Variants in RC3H2 observed in about 807,000 individuals in gnomAD.
The protein encoded by RC3H2 is roquin-2.
In RC3H2, 31 loss-of-function variants were observed where a neutral mutation model predicts 133.3. The ratio of observed to expected loss-of-function variants is 0.23; its 90% CI spans 0.17 to 0.31. The LOEUF is 0.31. Ranked by LOEUF, RC3H2 falls within the 10% of genes least tolerant of loss-of-function variation. The pLI, the probability that RC3H2 is intolerant of heterozygous loss-of-function variation, is 1.00. For missense variants in RC3H2, 1,175 were observed against 1,437.2 expected (o/e 0.82, Z 2.95); for synonymous variants, 517 against 502.2 (o/e 1.03, Z -0.40).
intron 8 of RC3H2, among the ~76,000 whole-genome samples, chr9:122,878,657 A>C (rs2131454956): frequency 6.6e-6 from 1 of 152,296 alleles, no homozygotes; most frequent in East Asian, 1.9e-4. Context: ...TGAGGATAAG[A>C]AATAATACAT....
Position 122,905,257 on chromosome 9 carries a change from C to A in RC3H2, c.-215G>T. ...CTCCATCGGGAGCTACAGGGACAGCCCCGTTGGCGGCGGCGAAGGCCGCGA... is the reference window on the plus strand; with the variant it reads ...CTCCATCGGGAGCTACAGGGACAGCACCGTTGGCGGCGGCGAAGGCCGCGA... On this transcript the variant is annotated 5_prime_UTR_variant, in exon 1 of 21. Transcript: ENST00000357244. 3 of 985,918 alleles carry A rather than the reference C, an allele frequency of 3.0e-6. No homozygotes were observed. Among genetic ancestry groups the A allele is most frequent in the South Asian group, 4.7e-5 (1 of 21,298 alleles). 61.1% of individuals were successfully genotyped at this position (985,918 alleles called of 1,614,324 possible). A position where few individuals can be genotyped will look rare whatever the true frequency, so the allele number is the denominator to read the frequency against.
chr9:122,876,159 G>A (rs2131446893), intron 9 of RC3H2, among the ~76,000 whole-genome samples: 1 of 152,266 alleles, frequency 6.6e-6, no homozygotes, highest in Admixed American at 6.5e-5. Context: ...AGCAGAAAAA[G>A]CTAAGGAAGG....
chr9:122,901,978 G>A (rs1284244077), intron 1 of RC3H2, among the ~76,000 whole-genome samples: 1 of 140,386 alleles, frequency 7.1e-6, no homozygotes, highest in Non-Finnish European at 1.5e-5. Context: ...TGCCCAGGCT[G>A]TAGTGCAATG....
chr9:122,898,839 ATTTC>A (rs1178531345), intron 1 of RC3H2, among the ~76,000 whole-genome samples: 2 of 152,046 alleles, frequency 1.3e-5, no homozygotes, highest in East Asian at 3.8e-4. Context: ...ACTTCCCAGA[ATTTC>A]TTTATCTTCC....
In RC3H2 at chr9:122,860,134, G is replaced by A; in HGVS notation, c.1635-3C>T. The A allele has an allele frequency of 6.2e-7, 1 of 1,610,268 alleles. No individual in the cohort carries two copies. The highest frequency in any genetic ancestry group is 1.1e-5 in the South Asian group (1 of 90,976). On this transcript the variant is annotated splice_polypyrimidine_tract_variant and splice_region_variant and intron_variant, in intron 10 of 20. Transcript: ENST00000357244. Reference sequence around the variant, plus strand: ...TCTTGGGTGGAGAACCAATTTTACTGGAGAGAAAATTTAACAAAGGGCAAA... The same window carrying A: ...TCTTGGGTGGAGAACCAATTTTACTAGAGAGAAAATTTAACAAAGGGCAAA...
At chr9:122,873,604 T>C (rs907948723) in intron 9 of RC3H2, among the ~76,000 whole-genome samples, 13 of 151,588 alleles carry the variant, frequency 8.6e-5, no homozygotes, top group Admixed American at 1.3e-4. Context: ...TCCCAGCTAC[T>C]CGAGAGGCTG....
At chr9:122,883,131 C>T in intron 5 of RC3H2, 73 bp downstream of exon 5, 2 of 1,420,640 alleles carry the variant, frequency 1.4e-6, no homozygotes, top group Non-Finnish European at 1.9e-6. Context: ...GGCCTCTAGA[C>T]TGGGTAACAT....
chr9:122,868,646 C>T (rs1312211932), intron 9 of RC3H2, among the ~76,000 whole-genome samples: 9 of 151,854 alleles, frequency 5.9e-5, no homozygotes, highest in Admixed American at 2.0e-4. Flanking sequence ...CCAGAGACCT[C>T]TGTTCACTTG....
In RC3H2 at chr9:122,905,270, GCGA is replaced by G; in HGVS notation, c.-231_-229del. On this transcript the variant is annotated 5_prime_UTR_variant, in exon 1 of 21. Transcript: ENST00000357244. ...TACAGGGACAGCCCCGTTGGCGGCGGCGAAGGCCGCGACGGGGCCTCCTCCTCC... is the reference window on the plus strand; with the variant it reads ...TACAGGGACAGCCCCGTTGGCGGCGGAGGCCGCGACGGGGCCTCCTCCTCC... 1 of 985,840 alleles carries G rather than the reference GCGA, an allele frequency of 1.0e-6. No homozygotes were observed. Among genetic ancestry groups the G allele is most frequent in the African/African-American group, 1.7e-5 (1 of 57,370 alleles). The allele number at this position is 985,840 out of a possible 1,614,324, so 61.1% of individuals were successfully genotyped here. A position where few individuals can be genotyped will look rare whatever the true frequency, so the allele number is the denominator to read the frequency against.
intron 2 of RC3H2, among the ~76,000 whole-genome samples, chr9:122,895,669 G>T (rs1017277557): frequency 6.6e-6 from 1 of 152,126 alleles, no homozygotes; most frequent in African/African-American, 2.4e-5. Context: ...TTACAAGGAG[G>T]ACTTCAAATA....
chr9:122,859,235 A>C, intron 11 of RC3H2, 133 bp from the exon 12 acceptor site: 1 of 572,740 alleles, frequency 1.7e-6, no homozygotes, highest in Non-Finnish European at 2.6e-6. Flanking sequence ...CCTGCTTTAT[A>C]AAGCTTTATA....
In RC3H2 at chr9:122,865,435, T is replaced by C; in HGVS notation, c.1548A>G (p.Arg516=). 1 of 1,614,224 alleles carries C rather than the reference T, an allele frequency of 6.2e-7. No homozygotes were observed. Among genetic ancestry groups the C allele is most frequent in the Non-Finnish European group, 8.5e-7 (1 of 1,180,036 alleles). The change falls in exon 10 of 21, where the codon AGA becomes AGG. Residue 516 remains arginine, a synonymous_variant. Transcript: ENST00000357244. The stretch of plus-strand genomic sequence containing the variant: ...CCACTTTCTTCACGGTCTCCAGAGC[T>C]CTTAAGGTACTGTCAGTACTACGTG... The part of the protein sequence containing the change: ...LISRSTDSTL[R]ALETVKKVGK...
intron 8 of RC3H2, among the ~76,000 whole-genome samples, chr9:122,878,801 T>G (rs565660983): frequency 6.6e-6 from 1 of 152,014 alleles, no homozygotes; most frequent in African/African-American, 2.4e-5. Context: ...CAGGCTGGAG[T>G]GCAGTGGCGC....
chr9:122,862,856 T>C (rs962810448), intron 10 of RC3H2, among the ~76,000 whole-genome samples: 11 of 148,214 alleles, frequency 7.4e-5, no homozygotes, highest in African/African-American at 2.0e-4. Context: ...AATCGCACCA[T>C]TGCACTCCAC....
chr9:122,855,891 A>T lies in RC3H2; in HGVS notation c.2455-13T>A, dbSNP rs1212858810. 1 of 1,591,878 alleles carries T rather than the reference A, an allele frequency of 6.3e-7. No individual in the cohort carries two copies. Among genetic ancestry groups the T allele is most frequent in the Non-Finnish European group, 8.5e-7 (1 of 1,171,772 alleles). The stretch of plus-strand genomic sequence containing the variant: ...CACTCTCTGAGAACTGGTTAAAAAA[A>T]AATAAATAAAGCCAATTAGTAAGAA... On this transcript the variant is annotated splice_polypyrimidine_tract_variant and intron_variant, in intron 13 of 20. Transcript: ENST00000357244.
intron 4 of RC3H2, 88 bp downstream of exon 4, chr9:122,890,224 T>C (rs775739449): frequency 1.4e-5 from 13 of 901,118 alleles, no homozygotes; most frequent in African/African-American, 1.3e-4. Flanking sequence ...TAAAGACGGG[T>C]TGAGTCTCAG....
intron 9 of RC3H2, among the ~76,000 whole-genome samples, chr9:122,872,333 C>A (rs1831135614): frequency 6.6e-6 from 1 of 152,120 alleles, no homozygotes; most frequent in African/African-American, 2.4e-5. Context: ...TTGCTATAGT[C>A]CTACCCGAGC....
Position 122,858,014 on chromosome 9 carries a change from T to C in RC3H2, c.2363A>G (p.Gln788Arg). Residue 788 changes from glutamine to arginine, a missense_variant, in exon 13 of 21, where the codon CAG (glutamine) becomes CGG (arginine). Gln to Arg is a conservative substitution (Grantham distance 43). This residue lies in a region of RC3H2 where 490 missense variants were observed against 492.8 expected (regional missense o/e 0.99). Transcript: ENST00000357244. The stretch of plus-strand genomic sequence containing the variant: ...AGTTGAAGAGACAAGAGGTGCTTTC[T>C]GAGTGTGGTACTGTGCCCACTGATC... ...KPDQWAQYHT[Q>R]KAPLVSSTLP... 5.6e-6 allele frequency: 9 copies of C among 1,614,224 alleles called. No homozygotes were observed. Among genetic ancestry groups the C allele is most frequent in the Non-Finnish European group, 7.6e-6 (9 of 1,180,004 alleles).
At chr9:122,901,188 A>C (rs1016545168) in intron 1 of RC3H2, among the ~76,000 whole-genome samples, 6 of 152,222 alleles carry the variant, frequency 3.9e-5, no homozygotes, top group African/African-American at 1.4e-4. Context: ...TAAAAATGTA[A>C]ACCTTAGGGC....
Sources: gnomAD v4.1 joint callset for allele counts (sites outside exome capture counted in the v4.1 genomes callset) on GRCh38, gnomAD v4.1.1 for gene constraint, gnomAD v4.1.1 regional missense constraint, MANE v1.5 for transcripts, NCBI Gene and HGNC (gene_info 2026-07-23, HGNC 2026-07-21) for gene names.